Variants in CACNA1C observed in about 807,000 individuals in gnomAD.
CACNA1C encodes the protein voltage-dependent L-type calcium channel subunit alpha-1C.
Under a neutral mutation model 229.0 loss-of-function variants are expected in CACNA1C, and 30 were observed. The observed-to-expected ratio is 0.13, with a 90% CI of 0.10 to 0.18. The LOEUF (loss-of-function observed/expected upper bound fraction) is 0.18. CACNA1C is among the 10% of genes least tolerant of loss of function. CACNA1C has a pLI of 1.00. For synonymous variants in CACNA1C, 1,114 were observed against 1,132.5 expected, an observed-to-expected ratio of 0.98 and a Z score of 0.33; for missense variants, 1,658 against 2,845.0, an observed-to-expected ratio of 0.58 and a Z score of 9.49.
At chr12:2,210,003 A>T (rs2097868838) in intron 3 of CACNA1C, among the ~76,000 whole-genome samples, 1 of 152,194 alleles carries the variant, frequency 6.6e-6, no homozygotes, top group African/African-American at 2.4e-5. Flanking sequence ...GAAGGAGGGA[A>T]GAGAGAGAGA....
intron 9 of CACNA1C, among the ~76,000 whole-genome samples, chr12:2,538,630 G>T (rs2099861494): frequency 6.6e-6 from 1 of 152,216 alleles, no homozygotes; most frequent in African/African-American, 2.4e-5. Flanking sequence ...CTTAGGGCAA[G>T]GCCAAGGCGA....
rs117818688 is a variant in CACNA1C, at chr12:2,384,910, G to A, written c.478-64066G>A. Among the ~76,000 whole-genome samples, 75 of 152,282 alleles carry A rather than the reference G, an allele frequency of 4.9e-4. No individual in the cohort carries two copies. In the East Asian group the frequency reaches 0.013, roughly 26 times the overall value. On this transcript the variant is annotated intron_variant, in intron 3 of 46. Coordinates refer to ENST00000399655, the MANE Select transcript of CACNA1C (RefSeq NM_000719.7). ...GCATGCGTAGTTATCCAGAAGGTACGTCTCTGTCCCATTCGGCTTTATTAG... is the reference window on the plus strand; with the variant it reads ...GCATGCGTAGTTATCCAGAAGGTACATCTCTGTCCCATTCGGCTTTATTAG...
intron 3 of CACNA1C, among the ~76,000 whole-genome samples, chr12:2,444,888 T>C (rs530986597): frequency 6.6e-6 from 1 of 152,288 alleles, no homozygotes; most frequent in African/African-American, 2.4e-5. Flanking sequence ...GTCACTCCCC[T>C]GCCCTTAACC....
rs760966175 is a variant in CACNA1C, at chr12:2,537,472, T to G, written c.1391-12471T>G. 1.4e-4 allele frequency among the ~76,000 whole-genome samples: 22 copies of G among 152,156 alleles called. 1 individual carries two copies. Among genetic ancestry groups the G allele is most frequent in the African/African-American group, 2.4e-5 (1 of 41,432 alleles). On this transcript the variant is annotated intron_variant, in intron 9 of 46. Coordinates refer to ENST00000399655, the MANE Select transcript of CACNA1C (RefSeq NM_000719.7). ...GAGAGACTGAGCTTTGTTGTTAATA[T>G]GAAGATAGAAATGGCTGATGTTGCT...
intron 3 of CACNA1C, among the ~76,000 whole-genome samples, chr12:2,192,185 A>G (rs976503016): frequency 5.3e-5 from 8 of 152,208 alleles, no homozygotes; most frequent in Admixed American, 4.6e-4. Flanking sequence ...CTGACATCAC[A>G]GTAATGTGAA....
At chr12:2,076,586 C>G (rs2063278133) in intron 1 of CACNA1C, among the ~76,000 whole-genome samples, 1 of 151,770 alleles carries the variant, frequency 6.6e-6, no homozygotes, top group Non-Finnish European at 1.5e-5. Flanking sequence ...CATTCATGAG[C>G]AAAAACAGTT....
chr12:2,344,491 G>A (rs1157939773), intron 3 of CACNA1C, among the ~76,000 whole-genome samples: 1 of 152,096 alleles, frequency 6.6e-6, no homozygotes, highest in Non-Finnish European at 1.5e-5. Context: ...CAAATCCACA[G>A]ACCAAGCAAC....
At chr12:2,014,917 T>C (rs1387596184) in intron 1 of CACNA1C, among the ~76,000 whole-genome samples, 1 of 152,204 alleles carries the variant, frequency 6.6e-6, no homozygotes. Context: ...GCACTGGGAA[T>C]GGGAGCAATC....
intron 3 of CACNA1C, among the ~76,000 whole-genome samples, chr12:2,154,393 G>A (rs887425401): frequency 1.3e-5 from 2 of 152,122 alleles, no homozygotes; most frequent in Non-Finnish European, 2.9e-5. Context: ...CTTCCTTCCC[G>A]CACACACGGA....
At chr12:2,312,758 C>T (rs1199045909) in intron 3 of CACNA1C, among the ~76,000 whole-genome samples, 1 of 152,164 alleles carries the variant, frequency 6.6e-6, no homozygotes, top group Admixed American at 6.5e-5. Flanking sequence ...TGTTGCATTT[C>T]AACCGTCATA....
chr12:2,691,285 C>A lies in CACNA1C; in HGVS notation c.*86C>A. The A allele has an allele frequency of 7.7e-7, 1 of 1,298,382 alleles. No homozygotes were observed. Among genetic ancestry groups the A allele is most frequent in the Non-Finnish European group, 1.0e-6 (1 of 976,194 alleles). The allele number at this position is 1,298,382 out of a possible 1,614,324, so 80.4% of individuals were successfully genotyped here. A position where few individuals can be genotyped will look rare whatever the true frequency, so the allele number is the denominator to read the frequency against. ...CAGAAGTGCCTCACTGTTCTCGTGA[C>A]CTGGAGTTAACCGGAACAGCGTCTT... On this transcript the variant is annotated 3_prime_UTR_variant, in exon 47 of 47. Transcript: ENST00000399655.
intron 11 of CACNA1C, among the ~76,000 whole-genome samples, chr12:2,562,166 A>C (rs1197466650): frequency 7.4e-6 from 1 of 135,112 alleles, no homozygotes; most frequent in Non-Finnish European, 1.5e-5. Context: ...CACTCCGGCC[A>C]CTCCTCAGGG....
At chr12:2,175,786 A>G (rs1023012026) in intron 3 of CACNA1C, among the ~76,000 whole-genome samples, 2 of 152,230 alleles carry the variant, frequency 1.3e-5, no homozygotes, top group African/African-American at 2.4e-5. Flanking sequence ...CTGAAATACC[A>G]TGTGGCAGAA....
intron 1 of CACNA1C, among the ~76,000 whole-genome samples, chr12:2,041,014 C>T (rs1481439266): frequency 2.0e-5 from 3 of 152,152 alleles, no homozygotes; most frequent in Non-Finnish European, 4.4e-5. Context: ...GAAAATACAG[C>T]AGAATCAGAT....
chr12:2,465,685 C>CA (rs982308915), intron 5 of CACNA1C, among the ~76,000 whole-genome samples: 4 of 152,010 alleles, frequency 2.6e-5, no homozygotes, highest in Non-Finnish European at 5.9e-5. Context: ...ACAAAACGTT[C>CA]AAAAAAACCG....
At chr12:2,239,082 TAGC>T (rs992845254) in intron 3 of CACNA1C, among the ~76,000 whole-genome samples, 2 of 152,238 alleles carry the variant, frequency 1.3e-5, no homozygotes, top group Admixed American at 1.3e-4. Flanking sequence ...CGTGAAATTT[TAGC>T]AGCTATTTTT....
At chr12:2,430,540 C>T (rs537656556) in intron 3 of CACNA1C, among the ~76,000 whole-genome samples, 29 of 152,056 alleles carry the variant, frequency 1.9e-4, no homozygotes, top group African/African-American at 5.1e-4. Flanking sequence ...TTTGCTCTCC[C>T]CACCTGCCCA....
chr12:2,677,598 C>T lies in CACNA1C; in HGVS notation c.4957-135C>T. 1 of 1,013,860 alleles carries T rather than the reference C, an allele frequency of 9.9e-7. No homozygotes were observed. Among genetic ancestry groups the T allele is most frequent in the Non-Finnish European group, 1.5e-6 (1 of 680,002 alleles). The allele number at this position is 1,013,860 out of a possible 1,614,324, so 62.8% of individuals were successfully genotyped here. On this transcript the variant is annotated intron_variant, in intron 40 of 46. Transcript: ENST00000399655. The surrounding 1 kb of genome is among the most constrained non-coding windows in gnomAD (Gnocchi z 7.4). ...AGCCCCCAGTTCACACACACACAAA[C>T]CTTCCGGAGGGTCGACTGGCTGGGT...
At chr12:2,544,214 G>A (rs528430532) in intron 9 of CACNA1C, among the ~76,000 whole-genome samples, 1 of 151,980 alleles carries the variant, frequency 6.6e-6, no homozygotes, top group South Asian at 2.1e-4. Context: ...AAAGATGAGT[G>A]TGTGAGACAC....
Sources: allele counts gnomAD v4.1 joint callset (sites outside exome capture counted in the v4.1 genomes callset), GRCh38; gene constraint gnomAD v4.1.1; non-coding constraint Gnocchi (gnomAD v3.1); transcripts MANE v1.5; gene names NCBI Gene and HGNC (gene_info 2026-07-23, HGNC 2026-07-21).